Variants in SDR9C7 observed in about 807,000 individuals in gnomAD.
The protein encoded by SDR9C7 is short-chain dehydrogenase/reductase family 9C member 7.
Under a neutral mutation model 23.6 loss-of-function variants are expected in SDR9C7, and 11 were observed. The ratio of observed to expected loss-of-function variants is 0.47; its 90% CI spans 0.29 to 0.77. The LOEUF is 0.77. Among genes scored for constraint, SDR9C7 ranks in the 30% least tolerant of loss-of-function variants. SDR9C7 has a pLI of 0.09. For missense variants in SDR9C7, 387 were observed against 407.1 expected (o/e 0.95, Z 0.42); for synonymous variants, 167 against 157.3 (o/e 1.06, Z -0.46).
At chr12:56,931,644 C>G (rs1955768502) in intron 1 of SDR9C7, among the ~76,000 whole-genome samples, 1 of 152,072 alleles carries the variant, frequency 6.6e-6, no homozygotes, top group Non-Finnish European at 1.5e-5. Flanking sequence ...ATTTTGCAAG[C>G]CTTCTAGGGG....
Position 56,923,995 on chromosome 12 carries a change from G to A in SDR9C7, c.780C>T (p.Val260=). ...CAATAGCATGCTCCATGCTGTTGAT[G>A]ACATCTCTGACTCTGGGCTCTGCCA... The part of the protein sequence containing the change: ...MQVAEPRVRD[V]INSMEHAIVS... Residue 260 remains valine, a synonymous_variant, in exon 4 of 4, where the codon GTC becomes GTT. Transcript: ENST00000293502. 1 of 1,614,108 alleles carries A rather than the reference G, an allele frequency of 6.2e-7. No individual in the cohort carries two copies. Among genetic ancestry groups the A allele is most frequent in the Non-Finnish European group, 8.5e-7 (1 of 1,179,966 alleles).
intron 1 of SDR9C7, among the ~76,000 whole-genome samples, chr12:56,933,437 C>A (rs1955779580): frequency 6.6e-6 from 1 of 152,204 alleles, no homozygotes; most frequent in Admixed American, 6.5e-5. Flanking sequence ...TGGCTCACTG[C>A]AACCTCCGCC....
intron 1 of SDR9C7, 132 bp from the exon 2 acceptor site, chr12:56,930,616 A>G: frequency 9.9e-7 from 1 of 1,013,540 alleles, no homozygotes; most frequent in Non-Finnish European, 1.4e-6. Context: ...AGGCTATAAC[A>G]TAAAAGGAAG....
chr12:56,934,062 C>T lies in SDR9C7; in HGVS notation c.200G>A (p.Arg67Gln), dbSNP rs140482532. ...FTEEGSQKLQ[R>Q]DTSYRLQTTL... ...GGTCTGCAGCCGATAGGAGGTATCC[C>T]GCTGAAGTTTCTGGGATCCCTCCTC... is the stretch of plus-strand genomic sequence containing the variant. The change falls in exon 1 of 4, where the codon CGG becomes CAG. Residue 67 changes from arginine (R) to glutamine (Q), a missense_variant. By Grantham distance (43) the Arg-to-Gln change is conservative. Coordinates refer to ENST00000293502, the MANE Select transcript of SDR9C7 (RefSeq NM_148897.3). 2.3e-4 allele frequency: 374 copies of T among 1,614,208 alleles called. 1 individual carries two copies. In the African/African-American group the frequency reaches 2.6e-3, roughly 11 times the overall value.
intron 2 of SDR9C7, among the ~76,000 whole-genome samples, chr12:56,929,897 C>G (rs1289690667): frequency 6.6e-6 from 1 of 152,196 alleles, no homozygotes; most frequent in East Asian, 1.9e-4. Context: ...CCTGCACGCT[C>G]CTCTAAGGAC....
At position 56,923,781 on chromosome 12, in the gene SDR9C7, C is replaced by T. The variant is rs1338223662; in HGVS notation, c.*52G>A. The stretch of plus-strand genomic sequence containing the variant: ...TACCACCTTTTGTGACCCCACGGTC[C>T]TTCCTTCCTCCCCCACTTCTAGGCT... On this transcript the variant is annotated 3_prime_UTR_variant, in exon 4 of 4. Coordinates refer to ENST00000293502, the MANE Select transcript of SDR9C7 (RefSeq NM_148897.3). The T allele has an allele frequency of 7.1e-7, 1 of 1,406,784 alleles. No individual in the cohort carries two copies. Among genetic ancestry groups the T allele is most frequent in the Non-Finnish European group, 9.7e-7 (1 of 1,030,278 alleles). 87.1% of individuals were successfully genotyped at this position (1,406,784 alleles called of 1,614,324 possible). A position where few individuals can be genotyped will look rare whatever the true frequency, so the allele number is the denominator to read the frequency against.
At chr12:56,927,621 G>A (rs189441863) in intron 3 of SDR9C7, among the ~76,000 whole-genome samples, 381 of 152,270 alleles carry the variant, frequency 2.5e-3, no homozygotes, top group Non-Finnish European at 4.4e-3. Context: ...CCCATGACGC[G>A]GTCACCATAA....
At chr12:56,928,764 C>G (rs1380103026) in intron 3 of SDR9C7, among the ~76,000 whole-genome samples, 1 of 152,198 alleles carries the variant, frequency 6.6e-6, no homozygotes, top group Non-Finnish European at 1.5e-5. Flanking sequence ...GGGTAAACAG[C>G]TGCCGTGTCC....
chr12:56,932,310 A>G (rs1392453036), intron 1 of SDR9C7, among the ~76,000 whole-genome samples: 1 of 152,182 alleles, frequency 6.6e-6, no homozygotes, highest in South Asian at 2.1e-4. Flanking sequence ...AAAAGTGTGA[A>G]AAAGACTGGG....
Position 56,930,523 on chromosome 12 carries a change from C to T in SDR9C7, c.302-39G>A, listed in dbSNP as rs747721812. ...GAACCACACAGAAATCATCAGTGGG[C>T]CTGGGAAAGAACCAAGTTCTGCTCC... is the stretch of plus-strand genomic sequence containing the variant. On this transcript the variant is annotated intron_variant, in intron 1 of 3. Transcript: ENST00000293502. The T allele has an allele frequency of 2.5e-6, 4 of 1,603,792 alleles. No homozygotes were observed. In the South Asian group the frequency reaches 4.4e-5, roughly 18 times the overall value.
chr12:56,926,702 T>A (rs1486920443), intron 3 of SDR9C7, among the ~76,000 whole-genome samples: 1 of 152,228 alleles, frequency 6.6e-6, no homozygotes, highest in Non-Finnish European at 1.5e-5. Flanking sequence ...TTAGAGGGAC[T>A]GCTGGAATAC....
chr12:56,934,278 G>C lies in SDR9C7; in HGVS notation c.-17C>G. ...GGCCGCCATAGGGCAAGGGGAATGT[G>C]ATGGCCAAGAGGGACTGGGCTCAGG... On this transcript the variant is annotated 5_prime_UTR_variant, in exon 1 of 4. The change creates a new upstream start codon in the 5' untranslated region. Coordinates refer to ENST00000293502, the MANE Select transcript of SDR9C7 (RefSeq NM_148897.3). 1 of 1,603,486 alleles carries C rather than the reference G, an allele frequency of 6.2e-7. No homozygotes were observed. The highest frequency in any genetic ancestry group is 8.5e-7 in the Non-Finnish European group (1 of 1,173,958).
chr12:56,933,582 T>G (rs771264446), intron 1 of SDR9C7, among the ~76,000 whole-genome samples: 1 of 152,206 alleles, frequency 6.6e-6, no homozygotes, highest in Non-Finnish European at 1.5e-5. Context: ...ATGGTCTCGA[T>G]CTCTTGACCT....
At chr12:56,933,357 T>C (rs1955779054) in intron 1 of SDR9C7, among the ~76,000 whole-genome samples, 1 of 152,100 alleles carries the variant, frequency 6.6e-6, no homozygotes, top group African/African-American at 2.4e-5. Context: ...CACATCCTTT[T>C]TTTTTCTTTT....
intron 3 of SDR9C7, among the ~76,000 whole-genome samples, chr12:56,924,281 C>A (rs1332198143): frequency 1.3e-5 from 2 of 151,532 alleles, no homozygotes; most frequent in Non-Finnish European, 2.9e-5. Flanking sequence ...ATATAAAAAT[C>A]AGCTGGGCTT....
In SDR9C7 at chr12:56,923,416, C is replaced by A. The variant is rs911771802; in HGVS notation, c.*417G>T. 5 of 160,306 alleles carry A rather than the reference C, an allele frequency of 3.1e-5. No homozygotes were observed. The highest frequency in any genetic ancestry group is 1.8e-4 in the Admixed American group (3 of 16,506). 9.9% of individuals were successfully genotyped at this position (160,306 alleles called of 1,614,324 possible). ...AATGAAGTTATGCATATTGAGGGAC[C>A]CATTAGGAAGGTGGTTAGATTCTCC... On this transcript the variant is annotated 3_prime_UTR_variant, in exon 4 of 4. Transcript: ENST00000293502.
At position 56,923,579 on chromosome 12, in the gene SDR9C7, TC is replaced by T; in HGVS notation, c.*253del. 2.8e-6 allele frequency: 1 copy of T among 359,530 alleles called. No homozygotes were observed. The highest frequency in any genetic ancestry group is 5.0e-6 in the Non-Finnish European group (1 of 199,338). The allele number at this position is 359,530 out of a possible 1,614,324, so 22.3% of individuals were successfully genotyped here. ...CTGTATCCTGATTGGGTGACAGACG[TC>T]CTTGGAGCTATTGCTGCAGATCGCT... On this transcript the variant is annotated 3_prime_UTR_variant, in exon 4 of 4. Coordinates refer to ENST00000293502, the MANE Select transcript of SDR9C7 (RefSeq NM_148897.3).
chr12:56,924,166 G>A, intron 3 of SDR9C7, 116 bp from the exon 4 acceptor site: 1 of 672,226 alleles, frequency 1.5e-6, no homozygotes. Flanking sequence ...TTTCAGGCAG[G>A]TCCGCCACAC....
chr12:56,934,136 G>T lies in SDR9C7; in HGVS notation c.126C>A (p.Ala42=). The T allele has an allele frequency of 6.2e-7, 1 of 1,614,232 alleles. No individual in the cohort carries two copies. Among genetic ancestry groups the T allele is most frequent in the African/African-American group, 1.3e-5 (1 of 75,064 alleles). ...GCATGCCCCGATCAACCAGCTGTTT[G>T]GCCAGCAGGTTCCCGAAGCCAGAGT... The part of the protein sequence containing the change: ...GCDSGFGNLL[A]KQLVDRGMQV... The change falls in exon 1 of 4, where the codon GCC becomes GCA. Residue 42 remains alanine (A), a synonymous_variant. Coordinates refer to ENST00000293502, the MANE Select transcript of SDR9C7 (RefSeq NM_148897.3).
Sources: gnomAD v4.1 joint callset for allele counts (sites outside exome capture counted in the v4.1 genomes callset) on GRCh38, gnomAD v4.1.1 for gene constraint, MANE v1.5 for transcripts, NCBI Gene and HGNC (gene_info 2026-07-23, HGNC 2026-07-21) for gene names.